The following KAZN variants were observed in gnomAD, a reference collection of about 807,000 sequenced individuals.
KAZN encodes kazrin, periplakin interacting protein.
KAZN carries 40 observed loss-of-function variants against 87.4 expected under a neutral mutation model. That is an observed-to-expected ratio of 0.46 (90% confidence interval 0.36 to 0.60). KAZN has a LOEUF of 0.60. KAZN is among the 20% of genes least tolerant of loss of function. KAZN has a pLI of 0.00. For synonymous variants in KAZN, 466 were observed against 458.3 expected, an observed-to-expected ratio of 1.02 and a Z score of -0.22; for missense variants, 898 against 1,073.9, an observed-to-expected ratio of 0.84 and a Z score of 2.29.
chr1:14,627,239 C>T (rs1679210972), intron 1 of KAZN, among the ~76,000 whole-genome samples: 1 of 151,748 alleles, frequency 6.6e-6, no homozygotes, highest in Non-Finnish European at 1.5e-5. Context: ...TGTCAGGGGG[C>T]CAAGCGTCTC....
chr1:15,018,099 T>G lies in KAZN; in HGVS notation c.419-16650T>G, dbSNP rs1041221999. 3.9e-5 allele frequency among the ~76,000 whole-genome samples: 6 copies of G among 152,226 alleles called. No homozygotes were observed. The South Asian group carries it at 1.2e-3, about 32-fold the overall frequency. On this transcript the variant is annotated intron_variant, in intron 2 of 14. Coordinates refer to ENST00000376030, the MANE Select transcript of KAZN (RefSeq NM_201628.3). ...CATTTTTCTGGGCCACGCTTTCAGC[T>G]TTTTTTCAATAAGACAAATCCAAGT...
intron 1 of KAZN, among the ~76,000 whole-genome samples, chr1:13,948,334 G>A (rs767795170): frequency 6.6e-6 from 1 of 152,148 alleles, no homozygotes; most frequent in Non-Finnish European, 1.5e-5. Flanking sequence ...TCCCTATGCT[G>A]TTCCCCTGAT....
intron 1 of KAZN, among the ~76,000 whole-genome samples, chr1:14,625,784 A>G (rs1231245656): frequency 6.6e-6 from 1 of 152,202 alleles, no homozygotes; most frequent in Non-Finnish European, 1.5e-5. Flanking sequence ...CTTCTCAGGG[A>G]CAGATGCACT....
intron 1 of KAZN, among the ~76,000 whole-genome samples, chr1:13,966,335 C>A (rs529045152): frequency 1.3e-5 from 2 of 152,316 alleles, no homozygotes; most frequent in African/African-American, 4.8e-5. Flanking sequence ...GTGGGGGCGC[C>A]TTTTGGACCC....
intron 1 of KAZN, among the ~76,000 whole-genome samples, chr1:14,091,873 G>C (rs1043740674): frequency 1.3e-5 from 2 of 152,072 alleles, no homozygotes; most frequent in Admixed American, 6.5e-5. Flanking sequence ...TTGGTGATCA[G>C]AAAATTTAGA....
rs556641521 is a variant in KAZN at position 13,899,675 on chromosome 1, G to A, written c.91+5919G>A. On this transcript the variant is annotated intron_variant, in intron 1 of 16. Transcript: ENST00000636203. ...TTTTTTTTTTTTGAGGTGGAGTCTC[G>A]CACTGTCGCCCAGGCTGGAGTGCAG... Among the ~76,000 whole-genome samples, 12 of 141,298 alleles carry A rather than the reference G, an allele frequency of 8.5e-5. No individual in the cohort carries two copies. The East Asian group carries it at 1.9e-3, about 22-fold the overall frequency. 92.7% of individuals were successfully genotyped at this position (141,298 alleles called of 152,430 possible). A position where few individuals can be genotyped will look rare whatever the true frequency, so the allele number is the denominator to read the frequency against.
chr1:14,885,281 A>T (rs968401759), intron 1 of KAZN, among the ~76,000 whole-genome samples: 1 of 151,860 alleles, frequency 6.6e-6, no homozygotes, highest in Admixed American at 6.6e-5. Flanking sequence ...AGCCACTCCT[A>T]CGTCCTTGCC....
At chr1:14,448,391 G>A (rs1220886608) in intron 2 of KAZN, among the ~76,000 whole-genome samples, 7 of 152,230 alleles carry the variant, frequency 4.6e-5, no homozygotes, top group Non-Finnish European at 8.8e-5. Context: ...CCAGCAGGAC[G>A]TGTTCAGATA....
chr1:14,741,679 G>A (rs527665550), intron 1 of KAZN, among the ~76,000 whole-genome samples: 1 of 152,142 alleles, frequency 6.6e-6, no homozygotes, highest in Non-Finnish European at 1.5e-5. Context: ...TTCCCCCCGG[G>A]GTTTCAAGAC....
At chr1:14,244,362 C>A (rs1399347496) in intron 2 of KAZN, among the ~76,000 whole-genome samples, 1 of 152,218 alleles carries the variant, frequency 6.6e-6, no homozygotes, top group Non-Finnish European at 1.5e-5. Context: ...CATACGAACT[C>A]TCTAACCCAC....
chr1:14,278,690 A>C (rs764155371), intron 2 of KAZN, among the ~76,000 whole-genome samples: 4 of 152,206 alleles, frequency 2.6e-5, no homozygotes, highest in Non-Finnish European at 5.9e-5. Context: ...ATGCAAATCA[A>C]GTTCACACAT....
At chr1:14,523,263 C>A (rs1356640874) in intron 2 of KAZN, among the ~76,000 whole-genome samples, 1 of 152,182 alleles carries the variant, frequency 6.6e-6, no homozygotes, top group Non-Finnish European at 1.5e-5. Context: ...GGGCAATAAA[C>A]TTTTCTTCAA....
At chr1:14,093,418 C>T (rs1345884056) in intron 1 of KAZN, among the ~76,000 whole-genome samples, 1 of 152,150 alleles carries the variant, frequency 6.6e-6, no homozygotes, top group Non-Finnish European at 1.5e-5. Context: ...ACTAGGCTGT[C>T]TCATCTTGGA....
intron 2 of KAZN, among the ~76,000 whole-genome samples, chr1:14,186,486 C>T (rs1557546093): frequency 6.6e-6 from 1 of 152,072 alleles, no homozygotes; most frequent in Non-Finnish European, 1.5e-5. Context: ...ATTTAGGTGT[C>T]AAAAGCTTAA....
At chr1:14,785,979 C>G (rs1240610608) in intron 1 of KAZN, among the ~76,000 whole-genome samples, 1 of 152,134 alleles carries the variant, frequency 6.6e-6, no homozygotes, top group East Asian at 1.9e-4. Flanking sequence ...TGTTTCCTCC[C>G]TTGTAAAATG....
chr1:14,572,541 C>T (rs151031625), intron 2 of KAZN, among the ~76,000 whole-genome samples: 10 of 152,340 alleles, frequency 6.6e-5, no homozygotes, highest in African/African-American at 2.4e-4. Flanking sequence ...AGAGCTCAGG[C>T]CTGGGAAGCA....
chr1:14,206,094 T>C (rs1381502326), intron 2 of KAZN, among the ~76,000 whole-genome samples: 1 of 152,048 alleles, frequency 6.6e-6, no homozygotes, highest in African/African-American at 2.4e-5. Flanking sequence ...TTCCTACCTG[T>C]AAGTAATGAG....
chr1:14,366,541 C>T (rs781137771), intron 2 of KAZN, among the ~76,000 whole-genome samples: 1 of 152,256 alleles, frequency 6.6e-6, no homozygotes, highest in Non-Finnish European at 1.5e-5. Context: ...CAGGGGCAGA[C>T]TCCATTCACT....
intron 1 of KAZN, among the ~76,000 whole-genome samples, chr1:14,839,159 C>G (rs1647636830): frequency 6.6e-6 from 1 of 152,170 alleles, no homozygotes; most frequent in Non-Finnish European, 1.5e-5. Context: ...GGTATTATCC[C>G]TCAGATGCTT....
Sources: allele counts gnomAD v4.1 joint callset (sites outside exome capture counted in the v4.1 genomes callset), GRCh38; gene constraint gnomAD v4.1.1; transcripts MANE v1.5; gene names NCBI Gene and HGNC (gene_info 2026-07-23, HGNC 2026-07-21).